ANKRD35: variants seen among roughly 807,000 people sequenced by gnomAD.
ANKRD35 encodes ankyrin repeat domain-containing protein 35.
In ANKRD35, 102 loss-of-function variants were observed where a neutral mutation model predicts 109.9. That is an observed-to-expected ratio of 0.93 (90% CI 0.79 to 1.09). The LOEUF is 1.09. ANKRD35 is among the 50% of genes least tolerant of loss of function. ANKRD35 has a pLI of 0.00. For synonymous variants in ANKRD35, 515 were observed against 512.4 expected (o/e 1.01, Z -0.07); for missense variants, 1,240 against 1,230.1 (o/e 1.01, Z -0.12).
Position 145,885,816 on chromosome 1 carries a change from C to T in ANKRD35, c.-58G>A. On this transcript the variant is annotated 5_prime_UTR_variant, in exon 1 of 14. Transcript: ENST00000355594. ...CGCAGAGAGCCGGGCCACAGGTTCC[C>T]GAACCCACCGGACTTGGCTGCGGCT... 1 of 1,352,082 alleles carries T rather than the reference C, an allele frequency of 7.4e-7. No homozygotes were observed. The highest frequency in any genetic ancestry group is 1.9e-4 in the Middle Eastern group (1 of 5,370). 83.8% of individuals were successfully genotyped at this position (1,352,082 alleles called of 1,614,324 possible).
At chr1:145,882,934 T>G (rs1191047458) in intron 1 of ANKRD35, among the ~76,000 whole-genome samples, 33 of 152,120 alleles carry the variant, frequency 2.2e-4, no homozygotes. Flanking sequence ...TCTGGCTGTG[T>G]ACCTATAAGC....
Position 145,879,253 on chromosome 1 carries a change from C to T in ANKRD35, c.170+5G>A, listed in dbSNP as rs587699011. ...TAAGGGGCAGGGGCAGGAGGACTGA[C>T]TTACGGGGACTGGCCATTCGAGTCA... On this transcript the variant is annotated splice_donor_5th_base_variant and intron_variant, in intron 2 of 13. Transcript: ENST00000355594. The T allele has an allele frequency of 1.2e-6, 2 of 1,600,906 alleles. No homozygotes were observed. Among genetic ancestry groups the T allele is most frequent in the Admixed American group, 1.7e-5 (1 of 58,658 alleles).
intron 12 of ANKRD35, 52 bp downstream of exon 12, chr1:145,867,939 C>A (rs782424994): frequency 6.4e-7 from 1 of 1,564,414 alleles, no homozygotes; most frequent in East Asian, 2.2e-5. Context: ...AAATGCAATA[C>A]CCTATACTCA....
intron 11 of ANKRD35, 52 bp downstream of exon 11, chr1:145,868,258 AC>A: frequency 6.4e-7 from 1 of 1,566,724 alleles, no homozygotes; most frequent in Non-Finnish European, 8.8e-7. Context: ...CATATACATC[AC>A]TTCCACTGCT....
intron 4 of ANKRD35, 32 bp from the exon 5 acceptor site, chr1:145,876,905 A>C: frequency 6.2e-7 from 1 of 1,612,736 alleles, no homozygotes; most frequent in African/African-American, 1.3e-5. Flanking sequence ...AGCAGCATGG[A>C]GCTTGGTGTT....
chr1:145,875,921 G>T (rs905986498), intron 7 of ANKRD35, among the ~76,000 whole-genome samples: 1 of 152,082 alleles, frequency 6.6e-6, no homozygotes. Flanking sequence ...CAGAAGTGTC[G>T]ATTCTACTTC....
In ANKRD35 at chr1:145,872,844, T is replaced by G; in HGVS notation, c.1925A>C (p.Gln642Pro). 1 of 1,614,036 alleles carries G rather than the reference T, an allele frequency of 6.2e-7. No individual in the cohort carries two copies. Among genetic ancestry groups the G allele is most frequent in the South Asian group, 1.1e-5 (1 of 91,082 alleles). Residue 642 changes from glutamine (Q) to proline (P), a missense_variant, in exon 10 of 14, where the codon CAG becomes CCG. Physicochemically the swap from Gln to Pro is moderately conservative, Grantham distance 76. Transcript: ENST00000355594. Reference protein sequence around the residue: ...GELGRERQRLQRELQSLSQRL... With the variant: ...GELGRERQRLPRELQSLSQRL... Reference sequence around the variant, plus strand: ...CTGGCTCAGGGACTGTAGCTCCCTCTGCAACCTCTGCCGCTCCCGCCCCAA... The same window carrying G: ...CTGGCTCAGGGACTGTAGCTCCCTCGGCAACCTCTGCCGCTCCCGCCCCAA...
Position 145,873,225 on chromosome 1 carries a change from C to G in ANKRD35, c.1544G>C (p.Arg515Thr). ...CCCCAGGGCTCCCTCCATGACCGGTCTTGACAAAGCCCCCCGGGCAGCATC... is the reference window on the plus strand; with the variant it reads ...CCCCAGGGCTCCCTCCATGACCGGTGTTGACAAAGCCCCCCGGGCAGCATC... ...EKDAARGALS[R>T]PVMEGALGTP... The change falls in exon 10 of 14, where the codon AGA (arginine) becomes ACA (threonine). Residue 515 changes from arginine to threonine, a missense_variant. By Grantham distance (71) the Arg-to-Thr change is moderately conservative (BLOSUM62 -1). Coordinates refer to ENST00000355594, the MANE Select transcript of ANKRD35 (RefSeq NM_144698.5). 2 of 1,614,014 alleles carry G rather than the reference C, an allele frequency of 1.2e-6. No individual in the cohort carries two copies. The highest frequency in any genetic ancestry group is 1.7e-6 in the Non-Finnish European group (2 of 1,180,026).
intron 4 of ANKRD35, among the ~76,000 whole-genome samples, chr1:145,877,643 A>G (rs1321675656): frequency 6.6e-6 from 1 of 152,224 alleles, no homozygotes; most frequent in African/African-American, 2.4e-5. Context: ...AACAGACAGT[A>G]GGGCTTTGGT....
intron 10 of ANKRD35, among the ~76,000 whole-genome samples, chr1:145,871,161 T>TC (rs1483141758): frequency 1.6e-4 from 18 of 111,530 alleles, no homozygotes; most frequent in Non-Finnish European, 3.0e-4. Context: ...TTCTTTTTTT[T>TC]TTTTTTTTTT....
At chr1:145,883,807 AC>A (rs1654382917) in intron 1 of ANKRD35, among the ~76,000 whole-genome samples, 1 of 152,194 alleles carries the variant, frequency 6.6e-6, no homozygotes, top group Non-Finnish European at 1.5e-5. Flanking sequence ...TTCATGAGGA[AC>A]CAATCTGCAG....
At chr1:145,869,082 C>A (rs1819350) in intron 10 of ANKRD35, among the ~76,000 whole-genome samples, 70,737 of 151,222 alleles carry the variant, frequency 0.47, 16,871 homozygotes, top group East Asian at 0.71. Context: ...AGCTGCTATC[C>A]AATATGATAA....
At position 145,872,305 on chromosome 1, in the gene ANKRD35, C is replaced by T; in HGVS notation, c.2464G>A (p.Ala822Thr). Reference protein sequence around the residue: ...QLLYQATEEVAELRAREAASL... With the variant: ...QLLYQATEEVTELRAREAASL... ...GCTGCCTCCCGGGCCCTTAGCTCAG[C>T]CACTTCCTCTGTGGCTTGGTAGAGC... Residue 822 changes from alanine (A) to threonine (T), a missense_variant, in exon 10 of 14, where the codon GCT (alanine) becomes ACT (threonine). Transcript: ENST00000355594. The T allele has an allele frequency of 6.2e-7, 1 of 1,612,984 alleles. No individual in the cohort carries two copies. Among genetic ancestry groups the T allele is most frequent in the East Asian group, 2.2e-5 (1 of 44,854 alleles).
rs782725940 is a variant in ANKRD35, at chr1:145,868,308, T to C, written c.2877+3A>G. 2.5e-6 allele frequency: 4 copies of C among 1,614,062 alleles called. No individual in the cohort carries two copies. Among genetic ancestry groups the C allele is most frequent in the East Asian group, 2.2e-5 (1 of 44,888 alleles). The stretch of plus-strand genomic sequence containing the variant: ...AGCACCATCCCTGACAGCCAAAACA[T>C]ACCTGCAGCTGCAGGGCAAGGCGAG... On this transcript the variant is annotated splice_donor_region_variant and intron_variant, in intron 11 of 13. Transcript: ENST00000355594.
chr1:145,874,951 G>A lies in ANKRD35; in HGVS notation c.616C>T (p.Leu206=), dbSNP rs1553739786. ...GCCCCCGCGTCAGCTCCGTGGCTCA[G>A]GAGCAGTTCAGCCACCTCGGCACTG... ...KGSAEVAELL[L]SHGADAGAVD... The change falls in exon 8 of 14, where the codon CTG becomes TTG. Residue 206 remains leucine, a synonymous_variant. Transcript: ENST00000355594. 3 of 1,613,134 alleles carry A rather than the reference G, an allele frequency of 1.9e-6. No individual in the cohort carries two copies. The highest frequency in any genetic ancestry group is 1.7e-5 in the Admixed American group (1 of 59,846).
chr1:145,883,817 A>G (rs1409266633), intron 1 of ANKRD35, among the ~76,000 whole-genome samples: 1 of 152,244 alleles, frequency 6.6e-6, no homozygotes, highest in Non-Finnish European at 1.5e-5. Flanking sequence ...ACCAATCTGC[A>G]GCTGAAACTG....
At chr1:145,882,859 C>T (rs1246849705) in intron 1 of ANKRD35, among the ~76,000 whole-genome samples, 1 of 152,102 alleles carries the variant, frequency 6.6e-6, no homozygotes, top group Non-Finnish European at 1.5e-5. Flanking sequence ...TAAGTATAAG[C>T]TTTGTATTTC....
Position 145,873,047 on chromosome 1 carries a change from G to C in ANKRD35, c.1722C>G (p.Ala574=). ...CTTCATCCTGTTTGATGCTCCCTGG[G>C]GCTGCCTTTAGGGCTCCCTCTCTGG... is the stretch of plus-strand genomic sequence containing the variant. The part of the protein sequence containing the change: ...QESREGALKA[A]PGSIKQDEEK... Residue 574 remains alanine, a synonymous_variant, in exon 10 of 14, where the codon GCC becomes GCG. Transcript: ENST00000355594. The C allele has an allele frequency of 1.2e-6, 2 of 1,611,686 alleles. No homozygotes were observed. Among genetic ancestry groups the C allele is most frequent in the Non-Finnish European group, 1.7e-6 (2 of 1,178,906 alleles).
chr1:145,879,014 T>C (rs1654191041), intron 2 of ANKRD35, among the ~76,000 whole-genome samples: 1 of 152,218 alleles, frequency 6.6e-6, no homozygotes, highest in South Asian at 2.1e-4. Flanking sequence ...TAATGGGCTT[T>C]ATGTACTTTA....
Sources: gnomAD v4.1 joint callset for allele counts (sites outside exome capture counted in the v4.1 genomes callset) on GRCh38, gnomAD v4.1.1 for gene constraint, MANE v1.5 for transcripts, NCBI Gene and HGNC (gene_info 2026-07-23, HGNC 2026-07-21) for gene names.